The following UGT2A1 variants were observed in gnomAD, a reference collection of about 807,000 sequenced individuals.
UGT2A1 encodes UDP glucuronosyltransferase family 2 member A1 complex locus.
UGT2A1 carries 61 observed loss-of-function variants against 45.4 expected under a neutral mutation model. The ratio of observed to expected loss-of-function variants is 1.34; its 90% CI spans 1.09 to 1.66. The LOEUF is 1.66. Ranked by LOEUF, UGT2A1 falls within the 40% of genes most tolerant of loss-of-function variation. The probability of loss-of-function intolerance (pLI) is 0.00; values close to 1 mark genes in which losing one functional copy is unlikely to be tolerated. For synonymous variants in UGT2A1, 229 were observed against 196.2 expected (o/e 1.17, Z -1.40); for missense variants, 649 against 574.3 (o/e 1.13, Z -1.33).
intron 2 of UGT2A1, among the ~76,000 whole-genome samples, chr4:69,638,169 A>G (rs1241311186): frequency 6.6e-6 from 1 of 152,170 alleles, no homozygotes; most frequent in Admixed American, 6.5e-5. Context: ...AATTCCTGCT[A>G]TTGATTAGTG....
chr4:69,611,953 G>A (rs1481652510), intron 3 of UGT2A1, among the ~76,000 whole-genome samples: 2 of 152,002 alleles, frequency 1.3e-5, no homozygotes, highest in African/African-American at 2.4e-5. Flanking sequence ...GAAATGTATA[G>A]CAAGAAAAAT....
intron 2 of UGT2A1, among the ~76,000 whole-genome samples, chr4:69,645,934 A>G (rs112941618): frequency 6.6e-6 from 1 of 151,790 alleles, no homozygotes; most frequent in African/African-American, 2.4e-5. Context: ...CCCCATTCTT[A>G]CCTTGCAGAA....
intron 3 of UGT2A1, among the ~76,000 whole-genome samples, chr4:69,618,762 A>G (rs1720562427): frequency 6.6e-6 from 1 of 152,010 alleles, no homozygotes; most frequent in African/African-American, 2.4e-5. Context: ...GTATACTCCA[A>G]TACCTTTATT....
At chr4:69,624,696 A>G (rs2109942750) in intron 3 of UGT2A1, among the ~76,000 whole-genome samples, 1 of 151,502 alleles carries the variant, frequency 6.6e-6, no homozygotes, top group African/African-American at 2.4e-5. Flanking sequence ...ACTTTACGAC[A>G]GTATACTTCC....
At chr4:69,623,339 C>T (rs1720860365) in intron 3 of UGT2A1, among the ~76,000 whole-genome samples, 2 of 151,764 alleles carry the variant, frequency 1.3e-5, no homozygotes, top group African/African-American at 2.4e-5. Context: ...AAGAAACAGA[C>T]GCTGAGAAAA....
At chr4:69,611,457 T>G (rs762007994) in intron 3 of UGT2A1, among the ~76,000 whole-genome samples, 3 of 151,834 alleles carry the variant, frequency 2.0e-5, no homozygotes, top group Non-Finnish European at 4.4e-5. Flanking sequence ...AAAAAAAAAC[T>G]AATAAATGTA....
chr4:69,633,075 G>T (rs1342542530), intron 3 of UGT2A1, among the ~76,000 whole-genome samples: 1 of 152,108 alleles, frequency 6.6e-6, no homozygotes, highest in East Asian at 1.9e-4. Context: ...GAGTAAGAAT[G>T]AAGAATGAGA....
chr4:69,604,412 T>C (rs1312128266), intron 3 of UGT2A1, among the ~76,000 whole-genome samples: 1 of 136,618 alleles, frequency 7.3e-6, no homozygotes, highest in African/African-American at 3.0e-5. Context: ...AAAGAGCTCC[T>C]GAAGGAAGCA....
Position 69,589,428 on chromosome 4 carries a change from A to C in UGT2A1, c.1528T>G (p.Cys510Gly), listed in dbSNP as rs1718451490. ...TTAIFLVIQC[C>G]LFSCQKFGKI... ...CCAAATTTTTGACAGGAAAACAAACAACATTGTATGACCAAAAATATAGCC... is the reference window on the plus strand; with the variant it reads ...CCAAATTTTTGACAGGAAAACAAACCACATTGTATGACCAAAAATATAGCC... The change falls in exon 7 of 7, where the codon TGT becomes GGT. Residue 510 changes from cysteine to glycine, a missense_variant. Coordinates refer to ENST00000286604, the MANE Select transcript of UGT2A1 (RefSeq NM_001252275.3). The C allele has an allele frequency of 6.2e-7, 1 of 1,613,952 alleles. No homozygotes were observed. The highest frequency in any genetic ancestry group is 1.7e-5 in the Admixed American group (1 of 59,980).
rs1398398267 is a variant in UGT2A1, at chr4:69,641,937, C to G, written c.715+4993G>C. Among the ~76,000 whole-genome samples the G allele has an allele frequency of 2.0e-5, 3 of 151,446 alleles. No homozygotes were observed. In the East Asian group the frequency reaches 5.8e-4, roughly 29 times the overall value. Reference sequence around the variant, plus strand: ...GATCAAATTAATCCGATCTCATTACCTTGACCCTTCTCTACTCTTTCCCTC... The same window carrying G: ...GATCAAATTAATCCGATCTCATTACGTTGACCCTTCTCTACTCTTTCCCTC... On this transcript the variant is annotated intron_variant, in intron 2 of 6. Transcript: ENST00000286604.
At chr4:69,603,495 T>TA (rs1380825890) in intron 3 of UGT2A1, 1 of 136,072 alleles carries the variant, frequency 7.3e-6, no homozygotes, top group Non-Finnish European at 1.6e-5. Flanking sequence ...CTGGAAACTC[T>TA]AAAAATCAGA....
At chr4:69,614,036 T>C (rs1396325490) in intron 3 of UGT2A1, among the ~76,000 whole-genome samples, 2 of 152,092 alleles carry the variant, frequency 1.3e-5, no homozygotes, top group Admixed American at 6.6e-5. Flanking sequence ...ATAAAGTCAA[T>C]TATTCTTATT....
intron 6 of UGT2A1, among the ~76,000 whole-genome samples, chr4:69,590,037 C>T (rs564085428): frequency 2.0e-5 from 3 of 152,256 alleles, no homozygotes; most frequent in East Asian, 1.9e-4. Context: ...ATAAACATAT[C>T]CTCTAGTGTC....
chr4:69,632,361 C>A (rs1721434892), intron 3 of UGT2A1, among the ~76,000 whole-genome samples: 1 of 151,956 alleles, frequency 6.6e-6, no homozygotes, highest in Non-Finnish European at 1.5e-5. Flanking sequence ...TAGGGAAATT[C>A]TTTTTTAGTT....
chr4:69,639,632 G>A (rs746988735), intron 2 of UGT2A1: 1 of 1,577,372 alleles, frequency 6.3e-7, no homozygotes, highest in Non-Finnish European at 8.6e-7. Flanking sequence ...AATCCCTTAT[G>A]GAAACCATCC....
chr4:69,599,336 T>A lies in UGT2A1; in HGVS notation c.906A>T (p.Thr302=). 1.2e-6 allele frequency: 2 copies of A among 1,613,796 alleles called. No homozygotes were observed. Among genetic ancestry groups the A allele is most frequent in the Non-Finnish European group, 1.7e-6 (2 of 1,179,904 alleles). Residue 302 remains threonine, a synonymous_variant, in exon 4 of 7, where the codon ACA becomes ACT. Coordinates refer to ENST00000286604, the MANE Select transcript of UGT2A1 (RefSeq NM_001252275.3). ...GACGAGGAAATTCAAAATCCCAATA[T>A]GTTCGGATTAACCAAATTTCAGCTT... ...MGKAEIWLIR[T]YWDFEFPRPY... is the part of the protein sequence containing the mutation.
At chr4:69,627,562 GAGAGAAAGAA>G (rs1356563143) in intron 3 of UGT2A1, among the ~76,000 whole-genome samples, 3 of 147,364 alleles carry the variant, frequency 2.0e-5, no homozygotes, top group African/African-American at 7.5e-5. Flanking sequence ...GAGAGAGAGA[GAGAGAAAGAA>G]AGAGAGAAAG....
At chr4:69,613,873 T>C (rs1382954564) in intron 3 of UGT2A1, among the ~76,000 whole-genome samples, 1 of 151,938 alleles carries the variant, frequency 6.6e-6, no homozygotes, top group African/African-American at 2.4e-5. Context: ...TAGCATCATA[T>C]TGAATGAGTA....
chr4:69,628,135 G>A (rs1248231281), intron 3 of UGT2A1, among the ~76,000 whole-genome samples: 3 of 151,838 alleles, frequency 2.0e-5, no homozygotes, highest in Admixed American at 1.3e-4. Flanking sequence ...TGTGGTTTTA[G>A]GTCTTAGGTT....
Sources: gnomAD v4.1 joint callset for allele counts (sites outside exome capture counted in the v4.1 genomes callset) on GRCh38, gnomAD v4.1.1 for gene constraint, MANE v1.5 for transcripts, NCBI Gene and HGNC (gene_info 2026-07-23, HGNC 2026-07-21) for gene names.